The following KCNJ3 variants were observed in gnomAD, a reference collection of about 807,000 sequenced individuals.
KCNJ3 encodes the protein G protein-activated inward rectifier potassium channel 1.
Under a neutral mutation model 39.2 loss-of-function variants are expected in KCNJ3, and 4 were observed. The ratio of observed to expected loss-of-function variants is 0.10; its 90% CI spans 0.05 to 0.23. The LOEUF is 0.23. Among genes scored for constraint, KCNJ3 ranks in the 10% least tolerant of loss-of-function variants. The probability of loss-of-function intolerance (pLI) is 1.00; values close to 1 mark genes in which losing one functional copy is unlikely to be tolerated. For missense variants in KCNJ3, 276 were observed against 634.9 expected, an observed-to-expected ratio of 0.43 and a Z score of 6.08; for synonymous variants, 230 against 237.4, an observed-to-expected ratio of 0.97 and a Z score of 0.29.
At chr2:154,775,728 G>A (rs1193987636) in intron 2 of KCNJ3, among the ~76,000 whole-genome samples, 1 of 152,088 alleles carries the variant, frequency 6.6e-6, no homozygotes, top group Non-Finnish European at 1.5e-5. Flanking sequence ...CCTTTTGGGG[G>A]TTTATAGAAG....
At chr2:154,803,327 T>A (rs1465544451) in intron 2 of KCNJ3, among the ~76,000 whole-genome samples, 2 of 152,012 alleles carry the variant, frequency 1.3e-5, no homozygotes, top group East Asian at 3.8e-4. Context: ...TAGAATTGAA[T>A]TAAATGAGCA....
intron 2 of KCNJ3, among the ~76,000 whole-genome samples, chr2:154,752,241 T>C (rs1020837479): frequency 1.3e-5 from 2 of 151,064 alleles, no homozygotes; most frequent in Admixed American, 1.3e-4. Context: ...GCTATTGTCA[T>C]AATAAAAGTA....
At chr2:154,774,488 T>C (rs1479601089) in intron 2 of KCNJ3, among the ~76,000 whole-genome samples, 1 of 152,092 alleles carries the variant, frequency 6.6e-6, no homozygotes, top group African/African-American at 2.4e-5. Flanking sequence ...AAAAAGATGA[T>C]GTAATTTTTG....
intron 2 of KCNJ3, among the ~76,000 whole-genome samples, chr2:154,807,549 C>A (rs1441006556): frequency 6.6e-6 from 1 of 152,122 alleles, no homozygotes; most frequent in African/African-American, 2.4e-5. Context: ...TTTGTCTATA[C>A]CAACTACCAG....
intron 2 of KCNJ3, among the ~76,000 whole-genome samples, chr2:154,833,822 C>T (rs937174192): frequency 1.3e-5 from 2 of 152,096 alleles, no homozygotes; most frequent in African/African-American, 4.8e-5. Flanking sequence ...TCTTTCAAAT[C>T]ATAATATGTA....
chr2:154,827,248 C>T lies in KCNJ3; in HGVS notation c.920-27479C>T, dbSNP rs182067614. Among the ~76,000 whole-genome samples, 15 of 152,238 alleles carry T rather than the reference C, an allele frequency of 9.9e-5. No individual in the cohort carries two copies. The East Asian group carries it at 2.3e-3, about 23-fold the overall frequency. ...GAAAATCTGACTCCTAAAGGCAAAG[C>T]GCTCTAGGCATAGACTTTTCTTTAG... On this transcript the variant is annotated intron_variant, in intron 2 of 2. Transcript: ENST00000295101.
chr2:154,856,917 A>G lies in KCNJ3; in HGVS notation c.*1604A>G, dbSNP rs1469049307. ...CCAGTCTGCCCCAACTTTAAAAAAA[A>G]TTCTTATTAATATGTCAGTCATTAA... On this transcript the variant is annotated 3_prime_UTR_variant, in exon 3 of 3. Coordinates refer to ENST00000295101, the MANE Select transcript of KCNJ3 (RefSeq NM_002239.4). The G allele has an allele frequency of 6.6e-6, 1 of 152,160 alleles. No homozygotes were observed. The highest frequency in any genetic ancestry group is 2.1e-4 in the South Asian group (1 of 4,828). 9.4% of individuals were successfully genotyped at this position (152,160 alleles called of 1,614,324 possible). A position where few individuals can be genotyped will look rare whatever the true frequency, so the allele number is the denominator to read the frequency against.
intron 2 of KCNJ3, among the ~76,000 whole-genome samples, chr2:154,843,184 C>T (rs1271385845): frequency 6.6e-6 from 1 of 152,094 alleles, no homozygotes; most frequent in African/African-American, 2.4e-5. Flanking sequence ...TTTATTTCTC[C>T]TTCACTTATG....
chr2:154,745,619 T>C (rs1685727189), intron 2 of KCNJ3, among the ~76,000 whole-genome samples: 1 of 152,094 alleles, frequency 6.6e-6, no homozygotes. Context: ...CATTAAAGCA[T>C]TTTTAGAATG....
At chr2:154,702,369 G>A (rs994410572) in intron 1 of KCNJ3, among the ~76,000 whole-genome samples, 1 of 151,700 alleles carries the variant, frequency 6.6e-6, no homozygotes, top group Admixed American at 6.6e-5. Flanking sequence ...CTAAATAAAA[G>A]CTTCTTTAGA....
At chr2:154,747,892 G>A (rs977227072) in intron 2 of KCNJ3, among the ~76,000 whole-genome samples, 2 of 151,920 alleles carry the variant, frequency 1.3e-5, no homozygotes, top group African/African-American at 4.8e-5. Context: ...CAGAAAAATA[G>A]TCAATTTTTG....
intron 2 of KCNJ3, among the ~76,000 whole-genome samples, chr2:154,816,335 T>G (rs1055250555): frequency 6.6e-6 from 1 of 152,224 alleles, no homozygotes; most frequent in Non-Finnish European, 1.5e-5. Context: ...CACTACAGTT[T>G]GGATGTCACT....
At chr2:154,807,854 G>A (rs1307279995) in intron 2 of KCNJ3, among the ~76,000 whole-genome samples, 1 of 152,052 alleles carries the variant, frequency 6.6e-6, no homozygotes, top group Non-Finnish European at 1.5e-5. Context: ...AGGCACCAGG[G>A]TGGCTCTGAA....
intron 2 of KCNJ3, among the ~76,000 whole-genome samples, chr2:154,837,692 G>T (rs1286272160): frequency 1.3e-5 from 2 of 152,104 alleles, no homozygotes; most frequent in African/African-American, 4.8e-5. Flanking sequence ...GATGGATAAG[G>T]TATATAAGAG....
At chr2:154,782,071 G>A (rs1249408853) in intron 2 of KCNJ3, among the ~76,000 whole-genome samples, 3 of 152,008 alleles carry the variant, frequency 2.0e-5, no homozygotes, top group Non-Finnish European at 2.9e-5. Flanking sequence ...GTTTAGTTTC[G>A]GGGTACTTTT....
chr2:154,726,635 A>C (rs1006256517), intron 2 of KCNJ3, among the ~76,000 whole-genome samples: 1 of 152,122 alleles, frequency 6.6e-6, no homozygotes, highest in Non-Finnish European at 1.5e-5. Flanking sequence ...AAACGAAGTC[A>C]TTATAAGAAA....
At chr2:154,840,640 G>A (rs2105129110) in intron 2 of KCNJ3, among the ~76,000 whole-genome samples, 1 of 152,270 alleles carries the variant, frequency 6.6e-6, no homozygotes, top group South Asian at 2.1e-4. Context: ...TCTCCTTGAA[G>A]AGGTCCTTCA....
chr2:154,711,365 C>A (rs1685099997), intron 2 of KCNJ3, among the ~76,000 whole-genome samples: 2 of 151,960 alleles, frequency 1.3e-5, no homozygotes, highest in Admixed American at 6.6e-5. Context: ...ATGGTTCTTT[C>A]TTTCATACAT....
chr2:154,805,534 C>T (rs1686895222), intron 2 of KCNJ3, among the ~76,000 whole-genome samples: 1 of 152,046 alleles, frequency 6.6e-6, no homozygotes, highest in South Asian at 2.1e-4. Context: ...CAGTTTGGAG[C>T]AAAGGAGCTA....
Sources: allele counts gnomAD v4.1 joint callset (sites outside exome capture counted in the v4.1 genomes callset), GRCh38; gene constraint gnomAD v4.1.1; transcripts MANE v1.5; gene names NCBI Gene and HGNC (gene_info 2026-07-23, HGNC 2026-07-21).